HSPA13: variants seen among roughly 807,000 people sequenced by gnomAD.
HSPA13 encodes the protein heat shock protein family A (Hsp70) member 13.
HSPA13 carries 29 observed loss-of-function variants against 38.8 expected under a neutral mutation model. The observed-to-expected ratio is 0.75, with a 90% CI of 0.56 to 1.02. HSPA13 has a LOEUF of 1.02. HSPA13 is among the 50% of genes least tolerant of loss of function. The pLI, the probability that HSPA13 is intolerant of heterozygous loss-of-function variation, is 0.00. For synonymous variants in HSPA13, 192 were observed against 205.3 expected (o/e 0.94, Z 0.56); for missense variants, 451 against 560.9 (o/e 0.80, Z 1.98).
intron 1 of HSPA13, among the ~76,000 whole-genome samples, chr21:14,382,415 T>C (rs1242033211): frequency 6.6e-6 from 1 of 152,216 alleles, no homozygotes; most frequent in Non-Finnish European, 1.5e-5. Context: ...ATCTCGTATT[T>C]GGTATCAGGA....
chr21:14,377,864 G>T (rs116430772), intron 3 of HSPA13, among the ~76,000 whole-genome samples: 1 of 152,210 alleles, frequency 6.6e-6, no homozygotes, highest in Non-Finnish European at 1.5e-5. Flanking sequence ...AAGGGCTCTC[G>T]GGCCTTCGGC....
At chr21:14,378,599 G>A (rs1282725608) in intron 2 of HSPA13, among the ~76,000 whole-genome samples, 187 bp from the exon 3 acceptor site, 1 of 150,928 alleles carries the variant, frequency 6.6e-6, no homozygotes, top group Non-Finnish European at 1.5e-5. Flanking sequence ...ATTAAAATCT[G>A]TACAATGAAT....
At chr21:14,376,304 T>C (rs1311235228) in intron 3 of HSPA13, among the ~76,000 whole-genome samples, 1 of 151,996 alleles carries the variant, frequency 6.6e-6, no homozygotes, top group Non-Finnish European at 1.5e-5. Flanking sequence ...TCCCAGCTAC[T>C]AGGGAGGCTG....
chr21:14,373,508 C>T lies in HSPA13; in HGVS notation c.*109G>A, dbSNP rs1982877142. 1.1e-6 allele frequency: 1 copy of T among 944,318 alleles called. No homozygotes were observed. The highest frequency in any genetic ancestry group is 1.5e-6 in the Non-Finnish European group (1 of 647,184). 58.5% of individuals were successfully genotyped at this position (944,318 alleles called of 1,614,324 possible). Reference sequence around the variant, plus strand: ...TTTTCCTGTATCTAAATGTTGCCCTCTAGGTAAATCTGTGATATTTTAGAG... The same window carrying T: ...TTTTCCTGTATCTAAATGTTGCCCTTTAGGTAAATCTGTGATATTTTAGAG... On this transcript the variant is annotated 3_prime_UTR_variant, in exon 5 of 5. Coordinates refer to ENST00000285667, the MANE Select transcript of HSPA13 (RefSeq NM_006948.5).
Position 14,381,601 on chromosome 21 carries a change from T to G in HSPA13, c.26-58A>C, listed in dbSNP as rs1984172306. 6.5e-6 allele frequency: 9 copies of G among 1,379,772 alleles called. No homozygotes were observed. In the South Asian group the frequency reaches 1.4e-4, roughly 21 times the overall value. 85.5% of individuals were successfully genotyped at this position (1,379,772 alleles called of 1,614,324 possible). On this transcript the variant is annotated intron_variant, in intron 1 of 4. Transcript: ENST00000285667. Reference sequence around the variant, plus strand: ...ATCAAACTAGTACAATGTACTAAATTACTGTAGCAAAGTCCCTTTAATATC... The same window carrying G: ...ATCAAACTAGTACAATGTACTAAATGACTGTAGCAAAGTCCCTTTAATATC...
chr21:14,374,359 G>T, intron 4 of HSPA13, 75 bp from the exon 5 acceptor site: 1 of 1,026,242 alleles, frequency 9.7e-7, no homozygotes, highest in Non-Finnish European at 1.4e-6. Flanking sequence ...TTATGTATAC[G>T]TAAAAATTAT....
chr21:14,381,051 G>A (rs1984154702), intron 2 of HSPA13, 152 bp downstream of exon 2: 1 of 630,100 alleles, frequency 1.6e-6, no homozygotes, highest in African/African-American at 1.8e-5. Flanking sequence ...TGATCCTATA[G>A]CTGCTGTGGA....
intron 1 of HSPA13, 95 bp from the exon 2 acceptor site, chr21:14,381,638 C>A: frequency 8.7e-7 from 1 of 1,145,556 alleles, no homozygotes; most frequent in South Asian, 2.1e-5. Context: ...CTCGTTGAAA[C>A]AAGGCTAAAA....
In HSPA13 at chr21:14,381,264, A is replaced by C. The variant is rs1321504746; in HGVS notation, c.305T>G (p.Phe102Cys). 1.2e-6 allele frequency: 2 copies of C among 1,612,530 alleles called. No individual in the cohort carries two copies. The highest frequency in any genetic ancestry group is 8.5e-7 in the Non-Finnish European group (1 of 1,178,950). ...PQNTIYDAKR[F>C]IGKIFTAEEL... ...TTCTGCGGTAAAAATCTTGCCTATG[A>C]ATCTTTTGGCATCATATATTGTGTT... is the stretch of plus-strand genomic sequence containing the variant. Residue 102 changes from phenylalanine (F) to cysteine (C), a missense_variant, in exon 2 of 5, where the codon TTC becomes TGC. Physicochemically the swap from Phe to Cys is radical, Grantham distance 205. Coordinates refer to ENST00000285667, the MANE Select transcript of HSPA13 (RefSeq NM_006948.5).
rs1982855471 is a variant in HSPA13 at position 14,372,730 on chromosome 21, A to C, written c.*887T>G. On this transcript the variant is annotated 3_prime_UTR_variant, in exon 5 of 5. Coordinates refer to ENST00000285667, the MANE Select transcript of HSPA13 (RefSeq NM_006948.5). ...CCCAGGGCTTACTGAAAATATAAAC[A>C]AAGAAACAAATACAGTAGGTAATTG... The C allele has an allele frequency of 1.3e-5, 2 of 152,204 alleles. No individual in the cohort carries two copies. The highest frequency in any genetic ancestry group is 4.8e-5 in the African/African-American group (2 of 41,472). The allele number at this position is 152,204 out of a possible 1,614,324, so 9.4% of individuals were successfully genotyped here.
intron 2 of HSPA13, among the ~76,000 whole-genome samples, chr21:14,380,468 C>G (rs1568723563): frequency 6.6e-6 from 1 of 151,656 alleles, no homozygotes; most frequent in Non-Finnish European, 1.5e-5. Context: ...AAAATTAATA[C>G]AGGATACTAT....
rs1365831318 is a variant in HSPA13, at chr21:14,381,598, A to G, written c.26-55T>C. 5.8e-6 allele frequency: 8 copies of G among 1,383,100 alleles called. No homozygotes were observed. In the African/African-American group the frequency reaches 1.0e-4, roughly 18 times the overall value. The allele number at this position is 1,383,100 out of a possible 1,614,324, so 85.7% of individuals were successfully genotyped here. ...TTTATCAAACTAGTACAATGTACTA[A>G]ATTACTGTAGCAAAGTCCCTTTAAT... On this transcript the variant is annotated intron_variant, in intron 1 of 4. Coordinates refer to ENST00000285667, the MANE Select transcript of HSPA13 (RefSeq NM_006948.5).
Position 14,373,115 on chromosome 21 carries a change from A to G in HSPA13, c.*502T>C, listed in dbSNP as rs1982866825. The G allele has an allele frequency of 6.5e-6, 1 of 153,512 alleles. No individual in the cohort carries two copies. Among genetic ancestry groups the G allele is most frequent in the Admixed American group, 6.4e-5 (1 of 15,508 alleles). 9.5% of individuals were successfully genotyped at this position (153,512 alleles called of 1,614,324 possible). On this transcript the variant is annotated 3_prime_UTR_variant, in exon 5 of 5. Transcript: ENST00000285667. ...ATATGGCAGTTACTGAATATTACGT[A>G]TGCAGCTTATGCTAATAATACTGCT... is the stretch of plus-strand genomic sequence containing the variant.
chr21:14,382,486 G>T (rs1984194955), intron 1 of HSPA13, among the ~76,000 whole-genome samples: 1 of 151,950 alleles, frequency 6.6e-6, no homozygotes, highest in African/African-American at 2.4e-5. Flanking sequence ...GAATTTTCAG[G>T]GCTCTGTGTT....
At position 14,373,570 on chromosome 21, in the gene HSPA13, A is replaced by G. The variant is rs1272660105; in HGVS notation, c.*47T>C. 1 of 1,436,912 alleles carries G rather than the reference A, an allele frequency of 7.0e-7. No individual in the cohort carries two copies. Among genetic ancestry groups the G allele is most frequent in the Admixed American group, 1.9e-5 (1 of 52,702 alleles). 89.0% of individuals were successfully genotyped at this position (1,436,912 alleles called of 1,614,324 possible). On this transcript the variant is annotated 3_prime_UTR_variant, in exon 5 of 5. Coordinates refer to ENST00000285667, the MANE Select transcript of HSPA13 (RefSeq NM_006948.5). ...TGGAAAAGGTAATCTGATAAATGGG[A>G]AGAGATCATCAGACAAGTTCACAAA...
At chr21:14,376,798 G>C (rs1027387349) in intron 3 of HSPA13, among the ~76,000 whole-genome samples, 1 of 152,188 alleles carries the variant, frequency 6.6e-6, no homozygotes, top group Non-Finnish European at 1.5e-5. Context: ...GCATGGTTAA[G>C]TATTTTGCTT....
chr21:14,378,170 A>T, intron 3 of HSPA13, 29 bp downstream of exon 3: 1 of 1,561,696 alleles, frequency 6.4e-7, no homozygotes, highest in Non-Finnish European at 8.8e-7. Context: ...ATTTTGAGAA[A>T]AATGCATCTC....
In HSPA13 at chr21:14,381,291, T is replaced by C. The variant is rs201154779; in HGVS notation, c.278A>G (p.Gln93Arg). ...ESVELADSNP[Q>R]NTIYDAKRFI... ...TCTTTTGGCATCATATATTGTGTTT[T>C]GAGGATTTGAATCTGCCAGCTCTAC... is the stretch of plus-strand genomic sequence containing the variant. Residue 93 changes from glutamine to arginine, a missense_variant, in exon 2 of 5, where the codon CAA (glutamine) becomes CGA (arginine). Gln to Arg is a conservative substitution (Grantham distance 43). Transcript: ENST00000285667. The C allele has an allele frequency of 5.6e-5, 91 of 1,614,146 alleles. No individual in the cohort carries two copies. The East Asian group carries it at 1.8e-3, about 32-fold the overall frequency.
At position 14,375,731 on chromosome 21, in the gene HSPA13, C is replaced by G; in HGVS notation, c.669G>C (p.Val223=). ...LHKADVFHVL[V]IDLGGGTLDV... is the part of the protein sequence containing the mutation. The stretch of plus-strand genomic sequence containing the variant: ...CTAGAGTTCCTCCGCCCAAGTCTAT[C>G]ACCAAGACGTGGAAGACGTCAGCCT... The change falls in exon 4 of 5, where the codon GTG becomes GTC. Residue 223 remains valine, a synonymous_variant. Coordinates refer to ENST00000285667, the MANE Select transcript of HSPA13 (RefSeq NM_006948.5). 1 of 1,614,082 alleles carries G rather than the reference C, an allele frequency of 6.2e-7. No homozygotes were observed. The highest frequency in any genetic ancestry group is 8.5e-7 in the Non-Finnish European group (1 of 1,179,926).
Sources: allele counts gnomAD v4.1 joint callset (sites outside exome capture counted in the v4.1 genomes callset), GRCh38; gene constraint gnomAD v4.1.1; transcripts MANE v1.5; gene names NCBI Gene and HGNC (gene_info 2026-07-23, HGNC 2026-07-21).